TRAPPC9: variants seen among roughly 807,000 people sequenced by gnomAD.
The protein encoded by TRAPPC9 is IKK2 binding protein.
TRAPPC9 carries 83 observed loss-of-function variants against 124.0 expected under a neutral mutation model. The ratio of observed to expected loss-of-function variants is 0.67; its 90% CI spans 0.56 to 0.80. The LOEUF (loss-of-function observed/expected upper bound fraction) is 0.80, where lower values mean the gene tolerates loss of function less well. Among genes scored for constraint, TRAPPC9 ranks in the 30% least tolerant of loss-of-function variants. TRAPPC9 has a pLI of 0.00. For missense variants in TRAPPC9, 1,302 were observed against 1,508.3 expected (o/e 0.86, Z 2.27); for synonymous variants, 638 against 617.5 (o/e 1.03, Z -0.49).
At chr8:140,151,146 C>T (rs2061537879) in intron 17 of TRAPPC9, among the ~76,000 whole-genome samples, 1 of 152,104 alleles carries the variant, frequency 6.6e-6, no homozygotes, top group Admixed American at 6.6e-5. Flanking sequence ...ATCTGACACC[C>T]CTACTTCTCC....
At chr8:140,253,248 T>A (rs961624101) in intron 15 of TRAPPC9, among the ~76,000 whole-genome samples, 1 of 152,162 alleles carries the variant, frequency 6.6e-6, no homozygotes, top group Non-Finnish European at 1.5e-5. Flanking sequence ...TCTTATAAAC[T>A]AAATCAGAGT....
chr8:139,756,647 T>G (rs1295834039), intron 21 of TRAPPC9, among the ~76,000 whole-genome samples: 1 of 136,350 alleles, frequency 7.3e-6, no homozygotes, highest in Admixed American at 7.2e-5. Flanking sequence ...GGACAGCAGG[T>G]CGCAGGAGGA....
chr8:140,409,835 G>C (rs1436161171), intron 5 of TRAPPC9, among the ~76,000 whole-genome samples: 1 of 152,148 alleles, frequency 6.6e-6, no homozygotes, highest in East Asian at 1.9e-4. Flanking sequence ...AGGGAAATGA[G>C]GTGGAAAGAA....
chr8:140,287,943 C>T (rs972963035), intron 12 of TRAPPC9, among the ~76,000 whole-genome samples: 2 of 152,176 alleles, frequency 1.3e-5, no homozygotes, highest in Non-Finnish European at 2.9e-5. Flanking sequence ...GGCGATAAAC[C>T]ACGGATCCAC....
rs1163842410 is a variant in TRAPPC9, at chr8:140,012,053, G to A, written c.2699+11884C>T. 2.0e-5 allele frequency among the ~76,000 whole-genome samples: 3 copies of A among 152,236 alleles called. No individual in the cohort carries two copies. The East Asian group carries it at 5.8e-4, about 29-fold the overall frequency. Reference sequence around the variant, plus strand: ...TCTTGATCTCTTGACCTCATGATCTGCCCGCCTTGGCCTCCCAAAGTGCTG... The same window carrying A: ...TCTTGATCTCTTGACCTCATGATCTACCCGCCTTGGCCTCCCAAAGTGCTG... On this transcript the variant is annotated intron_variant, in intron 18 of 22. Transcript: ENST00000438773.
At chr8:140,127,210 G>A (rs906021505) in intron 17 of TRAPPC9, among the ~76,000 whole-genome samples, 1 of 152,152 alleles carries the variant, frequency 6.6e-6, no homozygotes, top group Admixed American at 6.5e-5. Context: ...TGCAGGTTTG[G>A]AACAAACAAG....
intron 17 of TRAPPC9, among the ~76,000 whole-genome samples, chr8:140,056,051 C>A (rs904836448): frequency 1.3e-5 from 2 of 151,836 alleles, no homozygotes; most frequent in Non-Finnish European, 1.5e-5. Flanking sequence ...TCTTGAAAAA[C>A]CAAAATAAAG....
In TRAPPC9 at chr8:139,970,179, C is replaced by T. The variant is rs560979376; in HGVS notation, c.2810+18547G>A. 4.6e-5 allele frequency among the ~76,000 whole-genome samples: 7 copies of T among 152,288 alleles called. No individual in the cohort carries two copies. In the East Asian group the frequency reaches 5.8e-4, roughly 13 times the overall value. On this transcript the variant is annotated intron_variant, in intron 19 of 22. Transcript: ENST00000438773. ...TGAAGGGAAGCACCTCGGAAACAGG[C>T]GCCAGCGATGCCCAAAGAGAAGGAG...
intron 9 of TRAPPC9, among the ~76,000 whole-genome samples, chr8:140,318,069 G>A (rs1262401650): frequency 2.6e-5 from 4 of 152,190 alleles, no homozygotes; most frequent in Admixed American, 6.5e-5. Flanking sequence ...ATGAAGGTCT[G>A]AAATGATATG....
chr8:140,442,456 G>A (rs919433887), intron 2 of TRAPPC9, among the ~76,000 whole-genome samples: 13 of 151,848 alleles, frequency 8.6e-5, no homozygotes, highest in Non-Finnish European at 1.5e-4. Context: ...AAAATTAGCC[G>A]GGCGTGGTGG....
At chr8:140,300,445 G>C in intron 11 of TRAPPC9, 24 bp downstream of exon 11, 2 of 1,613,976 alleles carry the variant, frequency 1.2e-6, no homozygotes, top group Non-Finnish European at 1.7e-6. Context: ...GAGCACGGTG[G>C]GAAAGCCAGG....
chr8:139,855,796 A>C (rs1175771030), intron 21 of TRAPPC9, among the ~76,000 whole-genome samples: 1 of 152,206 alleles, frequency 6.6e-6, no homozygotes. Context: ...TGAAGAGGCC[A>C]CTTGATGCGT....
intron 17 of TRAPPC9, among the ~76,000 whole-genome samples, chr8:140,032,189 A>C (rs922653661): frequency 1.3e-4 from 20 of 152,210 alleles, no homozygotes; most frequent in African/African-American, 4.6e-4. Flanking sequence ...CTGGAGTTAC[A>C]TACTTTGTCG....
At chr8:139,977,662 C>CTCAT (rs112071784) in intron 19 of TRAPPC9, among the ~76,000 whole-genome samples, 37 of 140,374 alleles carry the variant, frequency 2.6e-4, no homozygotes, top group African/African-American at 5.1e-4. Flanking sequence ...CTCCCTCCTC[C>CTCAT]TCATTCATTC....
At chr8:140,208,008 G>A (rs546071291) in intron 17 of TRAPPC9, among the ~76,000 whole-genome samples, 25 of 152,100 alleles carry the variant, frequency 1.6e-4, no homozygotes, top group South Asian at 2.1e-4. Context: ...AAAATTAGCC[G>A]AGTGTGGTGC....
At chr8:139,804,772 C>A (rs569732628) in intron 21 of TRAPPC9, among the ~76,000 whole-genome samples, 166 of 151,748 alleles carry the variant, frequency 1.1e-3, no homozygotes, top group Non-Finnish European at 1.9e-3. Flanking sequence ...TACCCACCAC[C>A]ACCACCAAGC....
At chr8:139,843,755 C>T (rs915763697) in intron 21 of TRAPPC9, among the ~76,000 whole-genome samples, 2 of 152,184 alleles carry the variant, frequency 1.3e-5, no homozygotes, top group Non-Finnish European at 2.9e-5. Context: ...ATGGATCCTC[C>T]TCAAGGGCCT....
At chr8:140,264,765 G>A (rs1312132751) in intron 15 of TRAPPC9, among the ~76,000 whole-genome samples, 1 of 152,072 alleles carries the variant, frequency 6.6e-6, no homozygotes, top group Non-Finnish European at 1.5e-5. Context: ...TCCAGGCCCT[G>A]GCAGACCAAG....
intron 18 of TRAPPC9, among the ~76,000 whole-genome samples, chr8:140,012,732 G>A (rs1839216452): frequency 6.6e-6 from 1 of 152,146 alleles, no homozygotes; most frequent in Non-Finnish European, 1.5e-5. Context: ...CTCTGCCTGA[G>A]TCCCTCACCT....
Sources: gnomAD v4.1 joint callset for allele counts (sites outside exome capture counted in the v4.1 genomes callset) on GRCh38, gnomAD v4.1.1 for gene constraint, MANE v1.5 for transcripts, NCBI Gene and HGNC (gene_info 2026-07-23, HGNC 2026-07-21) for gene names.